JAZF1: variants seen among roughly 807,000 people sequenced by gnomAD.
JAZF1 encodes the protein JAZF zinc finger 1.
A neutral mutation model predicts 26.4 loss-of-function variants in JAZF1; 8 were observed. That is an observed-to-expected ratio of 0.30 (90% confidence interval 0.18 to 0.55). The LOEUF (loss-of-function observed/expected upper bound fraction) is 0.55, where lower values mean the gene tolerates loss of function less well. JAZF1 is among the 20% of genes least tolerant of loss of function. The pLI, the probability that JAZF1 is intolerant of heterozygous loss-of-function variation, is 0.94. For synonymous variants in JAZF1, 126 were observed against 122.3 expected (o/e 1.03, Z -0.20); for missense variants, 199 against 322.0 (o/e 0.62, Z 2.92).
intron 2 of JAZF1, among the ~76,000 whole-genome samples, chr7:27,972,709 T>C (rs142324601): frequency 2.1e-3 from 316 of 152,250 alleles, no homozygotes; most frequent in Non-Finnish European, 2.2e-3. Flanking sequence ...CACCACTTAA[T>C]AGTGAAATAA....
rs76399795 is a variant in JAZF1 at position 28,135,579 on chromosome 7, C to T, written c.115+44884G>A. Among the ~76,000 whole-genome samples the T allele has an allele frequency of 0.013, 1,978 of 152,300 alleles. 136 individuals carry two copies. In the East Asian group the frequency reaches 0.22, roughly 17 times the overall value. ...TCTTATCTGATAACCGCCCCCCACACATGGACATCTGGGGACGGCATTTTG... is the reference window on the plus strand; with the variant it reads ...TCTTATCTGATAACCGCCCCCCACATATGGACATCTGGGGACGGCATTTTG... On this transcript the variant is annotated intron_variant, in intron 1 of 4. Transcript: ENST00000283928.
At chr7:27,955,774 C>T (rs1785078279) in intron 2 of JAZF1, among the ~76,000 whole-genome samples, 1 of 152,158 alleles carries the variant, frequency 6.6e-6, no homozygotes, top group Non-Finnish European at 1.5e-5. Flanking sequence ...TTAGGCATGA[C>T]CTTTACTTAA....
At chr7:28,153,201 T>C (rs1452561998) in intron 1 of JAZF1, among the ~76,000 whole-genome samples, 1 of 152,108 alleles carries the variant, frequency 6.6e-6, no homozygotes, top group Non-Finnish European at 1.5e-5. Flanking sequence ...TCTTGGAGCA[T>C]ACAGTTCTTA....
At chr7:27,914,060 G>A (rs1183904044) in intron 2 of JAZF1, among the ~76,000 whole-genome samples, 2 of 152,214 alleles carry the variant, frequency 1.3e-5, no homozygotes, top group East Asian at 3.8e-4. Context: ...AGAACTGAGA[G>A]AGAACAAATC....
intron 1 of JAZF1, among the ~76,000 whole-genome samples, chr7:28,031,588 T>G (rs1312982080): frequency 1.3e-5 from 2 of 152,158 alleles, no homozygotes; most frequent in Non-Finnish European, 2.9e-5. Flanking sequence ...GCATAACTTT[T>G]TCACTTAGAA....
chr7:28,096,918 T>C (rs144538350), intron 1 of JAZF1, among the ~76,000 whole-genome samples: 1,649 of 152,272 alleles, frequency 0.011, 55 homozygotes, highest in Admixed American at 0.063. Context: ...TCAAGCCTAA[T>C]TACTAAGAAC....
intron 1 of JAZF1, among the ~76,000 whole-genome samples, chr7:28,164,544 T>C (rs1783337901): frequency 6.6e-6 from 1 of 152,198 alleles, no homozygotes; most frequent in Admixed American, 6.5e-5. Context: ...GTAAAGTGTT[T>C]CCACTAACAT....
At chr7:27,991,801 A>G (rs1196344006) in intron 2 of JAZF1, 108 bp downstream of exon 2, 1 of 688,818 alleles carries the variant, frequency 1.5e-6, no homozygotes, top group Non-Finnish European at 2.5e-6. Context: ...TTTCATGCAA[A>G]TATTTTAAGA....
At chr7:28,095,966 C>G (rs1784376983) in intron 1 of JAZF1, among the ~76,000 whole-genome samples, 1 of 152,212 alleles carries the variant, frequency 6.6e-6, no homozygotes, top group African/African-American at 2.4e-5. Context: ...TAGCACTAGC[C>G]TTTACTGGGC....
At chr7:28,037,348 T>G (rs888024981) in intron 1 of JAZF1, among the ~76,000 whole-genome samples, 2 of 152,220 alleles carry the variant, frequency 1.3e-5, no homozygotes, top group African/African-American at 2.4e-5. Flanking sequence ...TTAATAAAAT[T>G]CTCAAGCAAT....
At chr7:27,987,371 T>C (rs1331364171) in intron 2 of JAZF1, among the ~76,000 whole-genome samples, 9 of 140,858 alleles carry the variant, frequency 6.4e-5, no homozygotes, top group Admixed American at 5.6e-4. Flanking sequence ...GTGAGGAGCG[T>C]CTCTGCCCGG....
intron 1 of JAZF1, among the ~76,000 whole-genome samples, chr7:28,128,056 C>T (rs537804001): frequency 3.0e-4 from 46 of 152,074 alleles, no homozygotes; most frequent in Non-Finnish European, 4.9e-4. Flanking sequence ...AAAGAGATAT[C>T]CTCTCTTAGT....
chr7:27,993,367 C>T (rs188263708), intron 1 of JAZF1, among the ~76,000 whole-genome samples: 3 of 152,106 alleles, frequency 2.0e-5, no homozygotes, highest in South Asian at 2.1e-4. Flanking sequence ...GGCTATTCCT[C>T]GATCTCTGGC....
At chr7:27,853,403 T>C (rs1266165949) in intron 3 of JAZF1, among the ~76,000 whole-genome samples, 1 of 152,134 alleles carries the variant, frequency 6.6e-6, no homozygotes, top group African/African-American at 2.4e-5. Context: ...TCCAGGGCTG[T>C]GCACGTGAGG....
intron 4 of JAZF1, among the ~76,000 whole-genome samples, chr7:27,836,377 A>T (rs1240540436): frequency 6.6e-6 from 1 of 152,202 alleles, no homozygotes; most frequent in Non-Finnish European, 1.5e-5. Flanking sequence ...GTCAATAGAC[A>T]GCAGGCGACT....
chr7:28,092,673 T>A (rs896586299), intron 1 of JAZF1, among the ~76,000 whole-genome samples: 2 of 151,700 alleles, frequency 1.3e-5, no homozygotes, highest in Non-Finnish European at 2.9e-5. Context: ...TGAAATCCCA[T>A]CTCTACAAAA....
chr7:28,157,738 T>C (rs1783209648), intron 1 of JAZF1, among the ~76,000 whole-genome samples: 1 of 152,154 alleles, frequency 6.6e-6, no homozygotes. Flanking sequence ...TTTTAAACAA[T>C]TGATTTCAGG....
chr7:28,019,982 G>A (rs1166232695), intron 1 of JAZF1, among the ~76,000 whole-genome samples: 1 of 152,002 alleles, frequency 6.6e-6, no homozygotes, highest in African/African-American at 2.4e-5. Context: ...ACCTCTTTCT[G>A]AGGGCTACAA....
intron 3 of JAZF1, chr7:27,842,790 A>G (rs187822551): frequency 1.3e-5 from 2 of 152,320 alleles, no homozygotes; most frequent in East Asian, 3.9e-4. Context: ...TATTTCGCAA[A>G]GCTCCTCCAG....
Sources: allele counts gnomAD v4.1 joint callset (sites outside exome capture counted in the v4.1 genomes callset), GRCh38; gene constraint gnomAD v4.1.1; transcripts MANE v1.5; gene names NCBI Gene and HGNC (gene_info 2026-07-23, HGNC 2026-07-21).